PTPRT: variants seen among roughly 807,000 people sequenced by gnomAD.
PTPRT encodes the protein protein tyrosine phosphatase receptor type T, also known as receptor-type tyrosine-protein phosphatase T.
PTPRT carries 56 observed loss-of-function variants against 176.8 expected under a neutral mutation model. The ratio of observed to expected loss-of-function variants is 0.32; its 90% CI spans 0.26 to 0.40. PTPRT has a LOEUF of 0.40. Among genes scored for constraint, PTPRT ranks in the 10% least tolerant of loss-of-function variants. The probability of loss-of-function intolerance (pLI) is 1.00; values close to 1 mark genes in which losing one functional copy is unlikely to be tolerated. For missense variants in PTPRT, 1,540 were observed against 1,908.2 expected, an observed-to-expected ratio of 0.81 and a Z score of 3.60; for synonymous variants, 783 against 739.0, an observed-to-expected ratio of 1.06 and a Z score of -0.96.
chr20:43,091,994 T>C (rs894344159), intron 1 of PTPRT, among the ~76,000 whole-genome samples: 1 of 152,176 alleles, frequency 6.6e-6, no homozygotes, highest in East Asian at 1.9e-4. Flanking sequence ...AGCAAATTCA[T>C]CTCATCACAG....
At chr20:42,813,703 G>A (rs1479435346) in intron 2 of PTPRT, among the ~76,000 whole-genome samples, 1 of 152,078 alleles carries the variant, frequency 6.6e-6, no homozygotes, top group Non-Finnish European at 1.5e-5. Flanking sequence ...TGATTTCTGA[G>A]CCTAATGAAA....
At chr20:42,938,694 G>C (rs1231663715) in intron 1 of PTPRT, among the ~76,000 whole-genome samples, 2 of 152,120 alleles carry the variant, frequency 1.3e-5, no homozygotes, top group Non-Finnish European at 2.9e-5. Context: ...GCTTGCTAGA[G>C]AGTGCTCCAT....
intron 1 of PTPRT, among the ~76,000 whole-genome samples, chr20:43,124,287 T>C (rs2013365732): frequency 6.6e-6 from 1 of 152,250 alleles, no homozygotes; most frequent in Non-Finnish European, 1.5e-5. Context: ...AATTCGATAA[T>C]TGTAAATTTC....
At chr20:42,757,688 T>C (rs2076855536) in intron 5 of PTPRT, among the ~76,000 whole-genome samples, 1 of 152,256 alleles carries the variant, frequency 6.6e-6, no homozygotes, top group Non-Finnish European at 1.5e-5. Context: ...TGTTCATCTT[T>C]AGAAGCTTGT....
At chr20:42,350,354 G>A (rs527330749) in intron 11 of PTPRT, among the ~76,000 whole-genome samples, 18 of 150,674 alleles carry the variant, frequency 1.2e-4, no homozygotes, top group Admixed American at 2.0e-4. Flanking sequence ...TCATCCTCTC[G>A]AGTAGCCGGT....
At chr20:42,324,879 G>A (rs1048093476) in intron 11 of PTPRT, among the ~76,000 whole-genome samples, 2 of 152,158 alleles carry the variant, frequency 1.3e-5, no homozygotes, top group African/African-American at 4.8e-5. Flanking sequence ...AATGGGAGGA[G>A]GTGTACATTC....
At chr20:42,624,463 G>A (rs1327944776) in intron 7 of PTPRT, among the ~76,000 whole-genome samples, 4 of 152,154 alleles carry the variant, frequency 2.6e-5, no homozygotes, top group Non-Finnish European at 5.9e-5. Flanking sequence ...TGCATTTATT[G>A]AGGTGCTCAA....
intron 6 of PTPRT, among the ~76,000 whole-genome samples, chr20:42,728,408 T>C (rs2076411140): frequency 6.6e-6 from 1 of 152,142 alleles, no homozygotes; most frequent in South Asian, 2.1e-4. Flanking sequence ...TACATTATCA[T>C]CTTGCAAGGG....
At chr20:42,883,847 G>C (rs1237044848) in intron 2 of PTPRT, among the ~76,000 whole-genome samples, 234 of 10,138 alleles carry the variant, frequency 0.023, no homozygotes, top group Middle Eastern at 0.14. Context: ...CATACACATA[G>C]ACACACACCC....
intron 7 of PTPRT, among the ~76,000 whole-genome samples, chr20:42,527,183 T>G (rs2072290479): frequency 6.6e-6 from 1 of 152,000 alleles, no homozygotes; most frequent in Admixed American, 6.6e-5. Flanking sequence ...CAGGATGGTC[T>G]CTATCTCCTG....
At chr20:42,425,137 T>C (rs563776264) in intron 9 of PTPRT, among the ~76,000 whole-genome samples, 3 of 152,098 alleles carry the variant, frequency 2.0e-5, no homozygotes, top group Non-Finnish European at 4.4e-5. Context: ...CACTCTCTGC[T>C]AGGTACTCTT....
At chr20:42,727,673 T>C (rs2076401323) in intron 6 of PTPRT, among the ~76,000 whole-genome samples, 1 of 152,204 alleles carries the variant, frequency 6.6e-6, no homozygotes, top group African/African-American at 2.4e-5. Context: ...GAAAGTTTTC[T>C]TCTGGAGACT....
intron 1 of PTPRT, among the ~76,000 whole-genome samples, chr20:43,083,244 G>T (rs1338271498): frequency 6.9e-6 from 1 of 144,278 alleles, no homozygotes; most frequent in Non-Finnish European, 1.5e-5. Context: ...TTAGAATACT[G>T]ATTCTATGAA....
At chr20:42,246,654 T>C (rs2056456616) in intron 14 of PTPRT, among the ~76,000 whole-genome samples, 1 of 152,204 alleles carries the variant, frequency 6.6e-6, no homozygotes, top group South Asian at 2.1e-4. Context: ...GAGAAGGAAG[T>C]GAAATTTCTT....
At chr20:42,141,051 C>G (rs956607253) in intron 18 of PTPRT, among the ~76,000 whole-genome samples, 1 of 152,160 alleles carries the variant, frequency 6.6e-6, no homozygotes, top group African/African-American at 2.4e-5. Flanking sequence ...CCGCTGACTT[C>G]ATCAATGAGT....
chr20:42,756,524 C>A lies in PTPRT; in HGVS notation c.797G>T (p.Arg266Leu). 1.2e-6 allele frequency: 2 copies of A among 1,612,224 alleles called. No homozygotes were observed. Among genetic ancestry groups the A allele is most frequent in the Non-Finnish European group, 8.5e-7 (1 of 1,178,784 alleles). ...CCCACCATCAGAGCGGATCACACAG[C>A]GGTACTTGCTGACGCTCCGCTGGGC... Reference protein sequence around the residue: ...DTAQRSVSKYRCVIRSDGGSG... With the variant: ...DTAQRSVSKYLCVIRSDGGSG... The change falls in exon 6 of 31, where the codon CGC becomes CTC. Residue 266 changes from arginine to leucine, a missense_variant. This residue lies in a region of PTPRT where 273 missense variants were observed against 432.1 expected (regional missense o/e 0.63). Coordinates refer to ENST00000373187, the MANE Select transcript of PTPRT (RefSeq NM_007050.6).
chr20:42,853,327 G>T (rs1488504234), intron 2 of PTPRT, among the ~76,000 whole-genome samples: 1 of 152,276 alleles, frequency 6.6e-6, no homozygotes, highest in East Asian at 1.9e-4. Flanking sequence ...CAATTATGGA[G>T]GCCAGGAAGT....
At chr20:42,461,240 T>C (rs545562476) in intron 8 of PTPRT, among the ~76,000 whole-genome samples, 1 of 152,174 alleles carries the variant, frequency 6.6e-6, no homozygotes, top group Admixed American at 6.5e-5. Context: ...AGCAGGAGAA[T>C]GGCTTGAACC....
chr20:42,783,375 CA>C (rs11321200), intron 3 of PTPRT, among the ~76,000 whole-genome samples: 86,278 of 146,182 alleles, frequency 0.59, 27,378 homozygotes, highest in Non-Finnish European at 0.72. Context: ...TGAGAATCAA[CA>C]AAAAAAAAAA....
Sources: gnomAD v4.1 joint callset for allele counts (sites outside exome capture counted in the v4.1 genomes callset) on GRCh38, gnomAD v4.1.1 for gene constraint, gnomAD v4.1.1 regional missense constraint, MANE v1.5 for transcripts, NCBI Gene and HGNC (gene_info 2026-07-23, HGNC 2026-07-21) for gene names.